PCDHA1: variants seen among roughly 807,000 people sequenced by gnomAD.
PCDHA1 encodes the protein protocadherin alpha-1.
Under a neutral mutation model 61.3 loss-of-function variants are expected in PCDHA1, and 42 were observed. The ratio of observed to expected loss-of-function variants is 0.69; its 90% confidence interval spans 0.54 to 0.89. The LOEUF is 0.89. Among genes scored for constraint, PCDHA1 ranks in the 40% least tolerant of loss-of-function variants. The pLI is 0.00. For missense variants in PCDHA1, 1,256 were observed against 1,235.3 expected (o/e 1.02, Z -0.25); for synonymous variants, 610 against 553.8 (o/e 1.10, Z -1.43).
chr5:140,803,071 G>A, intron 1 of PCDHA1: 1 of 1,613,844 alleles, frequency 6.2e-7, no homozygotes, highest in East Asian at 2.2e-5. Context: ...TTTCGCGTGG[G>A]GCTGTACACG....
chr5:140,922,085 AT>A (rs1453055437), intron 1 of PCDHA1, among the ~76,000 whole-genome samples: 1 of 152,194 alleles, frequency 6.6e-6, no homozygotes, highest in Non-Finnish European at 1.5e-5. Context: ...AAAAAGTGGT[AT>A]TTCTACCAAC....
chr5:140,978,457 C>G (rs1223652568), intron 1 of PCDHA1, among the ~76,000 whole-genome samples: 1 of 152,182 alleles, frequency 6.6e-6, no homozygotes, highest in Non-Finnish European at 1.5e-5. Context: ...GCACATCCGC[C>G]CTGGGTCAAA....
chr5:140,986,758 G>A (rs1242772553), intron 3 of PCDHA1, among the ~76,000 whole-genome samples: 1 of 152,194 alleles, frequency 6.6e-6, no homozygotes, highest in Non-Finnish European at 1.5e-5. Context: ...ACTAAACAGT[G>A]AAAGATTAAT....
intron 1 of PCDHA1, chr5:140,926,614 C>A (rs2083406581): frequency 5.3e-6 from 2 of 377,642 alleles, no homozygotes; most frequent in Admixed American, 4.4e-5. Context: ...TCTCTGCACC[C>A]CTAGGCGGCG....
intron 3 of PCDHA1, among the ~76,000 whole-genome samples, chr5:140,990,314 CCAAA>C (rs2097387288): frequency 6.6e-6 from 1 of 152,212 alleles, no homozygotes; most frequent in Non-Finnish European, 1.5e-5. Context: ...AAAAAACCAA[CCAAA>C]CAAACTTTAA....
In PCDHA1 at chr5:140,857,214, C is replaced by T. The variant is rs193920994; in HGVS notation, c.2394+68530C>T. ...AACGGACAGGTCACCTGCTCTCTGA[C>T]GCCTCACGTTCCGTTCAAGCTGGTG... is the stretch of plus-strand genomic sequence containing the variant. On this transcript the variant is annotated intron_variant, in intron 1 of 3. Transcript: ENST00000504120. 5 of 1,598,500 alleles carry T rather than the reference C, an allele frequency of 3.1e-6. 1 individual carries two copies. Among genetic ancestry groups the T allele is most frequent in the Non-Finnish European group, 3.4e-6 (4 of 1,167,936 alleles).
rs1190939164 is a variant in PCDHA1, at chr5:140,968,882, C to T, written c.2395-10067C>T. ...CCCTCGGACATACTCTGAAATTACC[C>T]TTTATCTAATAATAGCATTAAGCAC... On this transcript the variant is annotated intron_variant, in intron 1 of 3. Transcript: ENST00000504120. 6 of 1,614,066 alleles carry T rather than the reference C, an allele frequency of 3.7e-6. No individual in the cohort carries two copies. The African/African-American group carries it at 6.7e-5, about 18-fold the overall frequency.
chr5:140,834,506 T>C (rs2150220079), intron 1 of PCDHA1: 63 of 1,614,028 alleles, frequency 3.9e-5, no homozygotes, highest in Admixed American at 2.2e-4. Flanking sequence ...AGGCTAAACA[T>C]GGCAACTTCG....
In PCDHA1 at chr5:140,982,507, G is replaced by A. The variant is rs555523473; in HGVS notation, c.2486G>A (p.Arg829Gln). 21 of 1,614,138 alleles carry A rather than the reference G, an allele frequency of 1.3e-5. No individual in the cohort carries two copies. The highest frequency in any genetic ancestry group is 4.0e-5 in the African/African-American group (3 of 75,040). ...CACCTAGAGGAGGCTGGCATTCTAC[G>A]GGCTGGTCCAGGAGGGCCTGATCAG... is the stretch of plus-strand genomic sequence containing the variant. ...SVHLEEAGILRAGPGGPDQQW... is the reference protein window; with the variant it reads ...SVHLEEAGILQAGPGGPDQQW... The change falls in exon 3 of 4, where the codon CGG (arginine) becomes CAG (glutamine). Residue 829 changes from arginine (R) to glutamine (Q), a missense_variant. Arg to Gln is a conservative substitution (Grantham distance 43). Coordinates refer to ENST00000504120, the MANE Select transcript of PCDHA1 (RefSeq NM_018900.4).
chr5:140,841,817 T>C, intron 1 of PCDHA1: 1 of 1,613,922 alleles, frequency 6.2e-7, no homozygotes. Flanking sequence ...TGGAGCTAAC[T>C]CCGTGTTAAC....
At chr5:140,848,448 T>C (rs2150410519) in intron 1 of PCDHA1, 3 of 1,511,550 alleles carry the variant, frequency 2.0e-6, no homozygotes, top group African/African-American at 1.4e-5. Flanking sequence ...TGATTTCTTC[T>C]AATTTGGAGG....
rs528939441 is a variant in PCDHA1 at position 140,858,900 on chromosome 5, G to C, written c.2394+70216G>C. ...CCTCCATGTGTAGAATATGTGTAGCGTACCACAGCTTATACTGCCATAGTA... is the reference window on the plus strand; with the variant it reads ...CCTCCATGTGTAGAATATGTGTAGCCTACCACAGCTTATACTGCCATAGTA... On this transcript the variant is annotated intron_variant, in intron 1 of 3. Transcript: ENST00000504120. 2 of 203,044 alleles carry C rather than the reference G, an allele frequency of 9.9e-6. 1 individual carries two copies. Among genetic ancestry groups the C allele is most frequent in the African/African-American group, 4.8e-5 (2 of 41,680 alleles). 12.6% of individuals were successfully genotyped at this position (203,044 alleles called of 1,614,324 possible). A position where few individuals can be genotyped will look rare whatever the true frequency, so the allele number is the denominator to read the frequency against.
chr5:140,796,064 C>T (rs782038098), intron 1 of PCDHA1: 3 of 1,614,122 alleles, frequency 1.9e-6, no homozygotes, highest in Non-Finnish European at 2.5e-6. Context: ...TCCCTGGGCA[C>T]TGTCATTGCT....
chr5:140,887,803 C>T (rs2061589449), intron 1 of PCDHA1, among the ~76,000 whole-genome samples: 2 of 152,050 alleles, frequency 1.3e-5, no homozygotes, highest in Admixed American at 1.3e-4. Flanking sequence ...TTATTTTTGT[C>T]CATTTCTTTC....
intron 1 of PCDHA1, chr5:140,876,368 C>T (rs564115297): frequency 3.7e-5 from 59 of 1,613,904 alleles, no homozygotes; most frequent in Non-Finnish European, 4.9e-5. Context: ...AATCCAGACA[C>T]AGGTGAAATT....
At chr5:140,861,738 T>C (rs1554155173) in intron 1 of PCDHA1, 1 of 160,806 alleles carries the variant, frequency 6.2e-6, no homozygotes, top group African/African-American at 2.5e-5. Context: ...ACTTACATAC[T>C]GTGCCGCAAT....
intron 1 of PCDHA1, chr5:140,835,702 G>A: frequency 6.2e-7 from 1 of 1,613,922 alleles, no homozygotes; most frequent in South Asian, 1.1e-5. Flanking sequence ...GCCACTGCTA[G>A]CGTGTCCGTG....
intron 1 of PCDHA1, among the ~76,000 whole-genome samples, chr5:140,874,551 T>C (rs1418780563): frequency 6.6e-6 from 1 of 152,222 alleles, no homozygotes; most frequent in African/African-American, 2.4e-5. Flanking sequence ...CTTTAAGAGA[T>C]CTTTCGCATT....
intron 1 of PCDHA1, chr5:140,796,416 G>C: frequency 6.2e-7 from 1 of 1,613,912 alleles, no homozygotes. Flanking sequence ...ATGCGGACGC[G>C]CAGGAGAACG....
Sources: allele counts gnomAD v4.1 joint callset (sites outside exome capture counted in the v4.1 genomes callset), GRCh38; gene constraint gnomAD v4.1.1; transcripts MANE v1.5; gene names NCBI Gene and HGNC (gene_info 2026-07-23, HGNC 2026-07-21).